Variants in PPP1R9A observed in about 807,000 individuals in gnomAD.
PPP1R9A encodes the protein protein phosphatase 1 regulatory subunit 9A, also known as neurabin-1.
Under a neutral mutation model 141.9 loss-of-function variants are expected in PPP1R9A, and 59 were observed. That is an observed-to-expected ratio of 0.42 (90% confidence interval 0.34 to 0.52). The LOEUF is 0.52. PPP1R9A is among the 20% of genes least tolerant of loss of function. The pLI is 0.10. For synonymous variants in PPP1R9A, 500 were observed against 569.7 expected, an observed-to-expected ratio of 0.88 and a Z score of 1.74; for missense variants, 1,444 against 1,611.9, an observed-to-expected ratio of 0.90 and a Z score of 1.78.
At chr7:95,266,746 G>T (rs1310519023) in intron 12 of PPP1R9A, among the ~76,000 whole-genome samples, 2 of 152,072 alleles carry the variant, frequency 1.3e-5, no homozygotes, top group Non-Finnish European at 2.9e-5. Flanking sequence ...CATAAAACGT[G>T]CAAGTACTAC....
intron 2 of PPP1R9A, among the ~76,000 whole-genome samples, chr7:95,060,231 C>T (rs907821628): frequency 1.3e-5 from 2 of 152,136 alleles, no homozygotes; most frequent in South Asian, 2.1e-4. Context: ...CAGGTTCTTG[C>T]CACACAGTTT....
At chr7:95,171,813 T>C (rs1832155203) in intron 5 of PPP1R9A, among the ~76,000 whole-genome samples, 1 of 151,694 alleles carries the variant, frequency 6.6e-6, no homozygotes, top group South Asian at 2.1e-4. Context: ...CAACTACTTT[T>C]ATGAAGCCAA....
At chr7:95,082,431 G>C (rs919716294) in intron 2 of PPP1R9A, among the ~76,000 whole-genome samples, 3 of 150,480 alleles carry the variant, frequency 2.0e-5, no homozygotes, top group African/African-American at 7.5e-5. Flanking sequence ...CTGCTGCCTG[G>C]TGCACATTTA....
chr7:95,093,150 A>G (rs1242137838), intron 2 of PPP1R9A, among the ~76,000 whole-genome samples: 1 of 152,028 alleles, frequency 6.6e-6, no homozygotes, highest in East Asian at 1.9e-4. Context: ...TCGGGAGAGG[A>G]CAGGCACCAA....
chr7:95,145,820 G>T (rs977323743), intron 4 of PPP1R9A, among the ~76,000 whole-genome samples: 1 of 152,142 alleles, frequency 6.6e-6, no homozygotes, highest in Non-Finnish European at 1.5e-5. Flanking sequence ...TCCCTGCAAA[G>T]GACATTAACT....
intron 2 of PPP1R9A, among the ~76,000 whole-genome samples, chr7:94,980,497 G>A (rs769874733): frequency 6.6e-6 from 1 of 151,938 alleles, no homozygotes; most frequent in Non-Finnish European, 1.5e-5. Context: ...TCACTCTGTC[G>A]CTCAGGCTAG....
At chr7:94,956,700 C>T (rs894144819) in intron 2 of PPP1R9A, among the ~76,000 whole-genome samples, 1 of 151,930 alleles carries the variant, frequency 6.6e-6, no homozygotes, top group African/African-American at 2.4e-5. Flanking sequence ...AGGGTGAGAC[C>T]TTGTCTCCTA....
rs561254479 is a variant in PPP1R9A at position 95,268,420 on chromosome 7, A to C, written c.2666-130A>C. 12 of 920,558 alleles carry C rather than the reference A, an allele frequency of 1.3e-5. No homozygotes were observed. The South Asian group carries it at 2.2e-4, about 17-fold the overall frequency. The allele number at this position is 920,558 out of a possible 1,614,324, so 57.0% of individuals were successfully genotyped here. ...GATTTCTTGGTTATTTCTTGGTTAC[A>C]GGCTGTCATGGTGGTCACCTGATCC... is the stretch of plus-strand genomic sequence containing the variant. On this transcript the variant is annotated intron_variant, in intron 12 of 19. Coordinates refer to ENST00000433360, the MANE Select transcript of PPP1R9A (RefSeq NM_001166160.2).
chr7:95,138,109 T>G (rs1381591993), intron 4 of PPP1R9A, among the ~76,000 whole-genome samples: 1 of 151,992 alleles, frequency 6.6e-6, no homozygotes, highest in Non-Finnish European at 1.5e-5. Context: ...ATTTTTTGTA[T>G]TTTTAGTAGA....
intron 12 of PPP1R9A, among the ~76,000 whole-genome samples, chr7:95,258,520 G>A (rs1448548236): frequency 6.6e-6 from 1 of 152,050 alleles, no homozygotes; most frequent in Non-Finnish European, 1.5e-5. Context: ...TTTGACCACA[G>A]TAATATTAAG....
chr7:94,978,975 T>A (rs1799781615), intron 2 of PPP1R9A, among the ~76,000 whole-genome samples: 1 of 152,152 alleles, frequency 6.6e-6, no homozygotes, highest in Admixed American at 6.5e-5. Context: ...TTTTGTATTT[T>A]TGGTAAAGAT....
intron 2 of PPP1R9A, among the ~76,000 whole-genome samples, chr7:95,027,350 C>T (rs768757569): frequency 6.6e-6 from 1 of 152,138 alleles, no homozygotes; most frequent in Non-Finnish European, 1.5e-5. Context: ...GTTTTCTGAC[C>T]TCTTGCACTT....
intron 2 of PPP1R9A, among the ~76,000 whole-genome samples, chr7:94,981,394 C>T (rs918719378): frequency 1.2e-4 from 19 of 152,086 alleles, no homozygotes; most frequent in African/African-American, 2.7e-4. Context: ...AGTGCGCTAC[C>T]GCAGCCGGCT....
chr7:95,250,417 C>T (rs181864483), intron 10 of PPP1R9A, among the ~76,000 whole-genome samples, 162 bp downstream of exon 10: 1 of 152,220 alleles, frequency 6.6e-6, no homozygotes, highest in Non-Finnish European at 1.5e-5. Context: ...TTTTGGAAGT[C>T]ACTTCTATCA....
In PPP1R9A at chr7:95,070,950, T is replaced by C. The variant is rs533760823; in HGVS notation, c.1396-40309T>C. On this transcript the variant is annotated intron_variant, in intron 2 of 19. Transcript: ENST00000433360. ...CCTCAGATGATCAAGGTAATGTTAATTGGCTAAAAAAATTGAGGAATATTT... is the reference window on the plus strand; with the variant it reads ...CCTCAGATGATCAAGGTAATGTTAACTGGCTAAAAAAATTGAGGAATATTT... 7.2e-5 allele frequency among the ~76,000 whole-genome samples: 11 copies of C among 151,856 alleles called. No individual in the cohort carries two copies. The South Asian group carries it at 2.1e-3, about 29-fold the overall frequency.
chr7:94,967,472 T>C (rs1798349905), intron 2 of PPP1R9A, among the ~76,000 whole-genome samples: 1 of 152,226 alleles, frequency 6.6e-6, no homozygotes, highest in African/African-American at 2.4e-5. Context: ...AATTTTTCTC[T>C]AAACACTGCT....
At chr7:94,946,077 T>C (rs543710636) in intron 2 of PPP1R9A, among the ~76,000 whole-genome samples, 2 of 152,250 alleles carry the variant, frequency 1.3e-5, no homozygotes, top group South Asian at 2.1e-4. Context: ...GATAAAACAC[T>C]ATGGACAGAT....
rs75164596 is a variant in PPP1R9A, at chr7:95,047,677, T to A, written c.1396-63582T>A. Among the ~76,000 whole-genome samples, 1,178 of 152,270 alleles carry A rather than the reference T, an allele frequency of 7.7e-3. 15 individuals carry two copies. The highest frequency in any genetic ancestry group is 0.027 in the African/African-American group (1,128 of 41,548). ...AGATTATTTTAATGGCCTTAAATTTTCCATTTAAATTTGCAATAACTTTTG... is the reference window on the plus strand; with the variant it reads ...AGATTATTTTAATGGCCTTAAATTTACCATTTAAATTTGCAATAACTTTTG... On this transcript the variant is annotated intron_variant, in intron 2 of 19. Transcript: ENST00000433360.
chr7:94,947,069 AGG>A (rs1795973102), intron 2 of PPP1R9A, among the ~76,000 whole-genome samples: 1 of 152,046 alleles, frequency 6.6e-6, no homozygotes, highest in Non-Finnish European at 1.5e-5. Flanking sequence ...TTTTTCTTTG[AGG>A]ATTTGGCACA....
Sources: allele counts gnomAD v4.1 joint callset (sites outside exome capture counted in the v4.1 genomes callset), GRCh38; gene constraint gnomAD v4.1.1; transcripts MANE v1.5; gene names NCBI Gene and HGNC (gene_info 2026-07-23, HGNC 2026-07-21).